Variants in CDH12 observed in about 807,000 individuals in gnomAD.
CDH12 encodes the protein cadherin 12, also known as cadherin-12.
CDH12 carries 41 observed loss-of-function variants against 74.1 expected under a neutral mutation model. The ratio of observed to expected loss-of-function variants is 0.55; its 90% CI spans 0.43 to 0.72. CDH12 has a LOEUF of 0.72. Ranked by LOEUF, CDH12 falls within the 30% of genes least tolerant of loss-of-function variation. The pLI, the probability that CDH12 is intolerant of heterozygous loss-of-function variation, is 0.00. For missense variants in CDH12, 945 were observed against 977.2 expected (o/e 0.97, Z 0.44); for synonymous variants, 399 against 355.0 (o/e 1.12, Z -1.39).
intron 5 of CDH12, among the ~76,000 whole-genome samples, chr5:22,053,933 A>G (rs1740564263): frequency 6.6e-6 from 1 of 152,154 alleles, no homozygotes; most frequent in Non-Finnish European, 1.5e-5. Flanking sequence ...TTCAATTATT[A>G]TTGAAAATTA....
At chr5:22,511,315 A>G (rs958008333) in intron 1 of CDH12, among the ~76,000 whole-genome samples, 8 of 152,232 alleles carry the variant, frequency 5.3e-5, no homozygotes, top group African/African-American at 1.9e-4. Context: ...AAGAAAAGCT[A>G]TGTCATTGAC....
intron 3 of CDH12, among the ~76,000 whole-genome samples, chr5:22,228,943 T>C (rs997386785): frequency 1.3e-5 from 2 of 152,158 alleles, no homozygotes; most frequent in Non-Finnish European, 2.9e-5. Flanking sequence ...TTAATAAACC[T>C]GCTCTTACAT....
intron 5 of CDH12, among the ~76,000 whole-genome samples, chr5:22,015,745 C>T (rs907774340): frequency 7.2e-5 from 11 of 151,954 alleles, no homozygotes; most frequent in Non-Finnish European, 1.5e-4. Flanking sequence ...AGTGAAGTAC[C>T]GTGACAGATA....
chr5:22,050,786 A>G lies in CDH12; in HGVS notation c.231+27660T>C, dbSNP rs1740302858. The stretch of plus-strand genomic sequence containing the variant: ...TGGAGAGTTTCTGAAAAAGCTGACA[A>G]TTTGGAGCCTATGATTCCCTGGTGA... On this transcript the variant is annotated intron_variant, in intron 5 of 14. Transcript: ENST00000382254. 2.0e-5 allele frequency among the ~76,000 whole-genome samples: 3 copies of G among 152,160 alleles called. No individual in the cohort carries two copies. In the South Asian group the frequency reaches 6.2e-4, roughly 31 times the overall value.
At chr5:21,788,721 T>C (rs541370711) in intron 10 of CDH12, among the ~76,000 whole-genome samples, 13 of 152,254 alleles carry the variant, frequency 8.5e-5, no homozygotes, top group African/African-American at 3.1e-4. Flanking sequence ...TCACTTTCTC[T>C]CTTCTCATGA....
chr5:21,971,703 C>T (rs1756861629), intron 6 of CDH12, among the ~76,000 whole-genome samples: 1 of 152,104 alleles, frequency 6.6e-6, no homozygotes, highest in Non-Finnish European at 1.5e-5. Context: ...AGGGTACATT[C>T]CTATAATTTA....
intron 1 of CDH12, among the ~76,000 whole-genome samples, chr5:22,536,043 G>A (rs761187989): frequency 1.3e-5 from 2 of 152,166 alleles, no homozygotes; most frequent in Middle Eastern, 3.2e-3. Flanking sequence ...GGATGTGTAG[G>A]TTATATGCAA....
chr5:22,410,570 G>A (rs1743131152), intron 2 of CDH12, among the ~76,000 whole-genome samples: 1 of 152,046 alleles, frequency 6.6e-6, no homozygotes. Context: ...TATAAAAATA[G>A]ACCATTTCCC....
chr5:22,592,596 C>A (rs920551725), intron 1 of CDH12, among the ~76,000 whole-genome samples: 1 of 152,058 alleles, frequency 6.6e-6, no homozygotes, highest in Non-Finnish European at 1.5e-5. Context: ...CTTTCTCTAG[C>A]ATGCCTTCCT....
intron 11 of CDH12, among the ~76,000 whole-genome samples, chr5:21,772,748 C>G (rs770747253): frequency 6.6e-6 from 1 of 152,138 alleles, no homozygotes; most frequent in Non-Finnish European, 1.5e-5. Context: ...TGTGAATTCT[C>G]TCTTGCATGT....
chr5:22,087,405 C>T (rs1174237299), intron 4 of CDH12, among the ~76,000 whole-genome samples: 5 of 151,974 alleles, frequency 3.3e-5, no homozygotes, highest in African/African-American at 9.7e-5. Flanking sequence ...TCTGTGGGGC[C>T]GAGGCAAGCA....
intron 1 of CDH12, among the ~76,000 whole-genome samples, chr5:22,757,470 T>C (rs534702424): frequency 2.6e-5 from 4 of 152,320 alleles, no homozygotes; most frequent in South Asian, 2.1e-4. Context: ...TGGTTAGTTA[T>C]ATATAGTATA....
At chr5:22,631,549 C>T (rs1334369131) in intron 1 of CDH12, among the ~76,000 whole-genome samples, 1 of 152,132 alleles carries the variant, frequency 6.6e-6, no homozygotes, top group Non-Finnish European at 1.5e-5. Context: ...AACCCAAATA[C>T]TGCAGGTTCT....
In CDH12 at chr5:22,334,321, G is replaced by A. The variant is rs571377555; in HGVS notation, c.-333+70936C>T. Among the ~76,000 whole-genome samples the A allele has an allele frequency of 2.6e-5, 4 of 151,868 alleles. No homozygotes were observed. The South Asian group carries it at 6.3e-4, about 24-fold the overall frequency. On this transcript the variant is annotated intron_variant, in intron 3 of 14. Transcript: ENST00000382254. Reference sequence around the variant, plus strand: ...ATCAAAGAAGTGGAATATCTCTAGAGTGAAAAGTATACAATACTGATGAAA... The same window carrying A: ...ATCAAAGAAGTGGAATATCTCTAGAATGAAAAGTATACAATACTGATGAAA...
chr5:22,314,700 A>G (rs1211065125), intron 3 of CDH12, among the ~76,000 whole-genome samples: 1 of 152,172 alleles, frequency 6.6e-6, no homozygotes, highest in Non-Finnish European at 1.5e-5. Context: ...GCTGGGAAGA[A>G]GAACCAACGT....
intron 1 of CDH12, among the ~76,000 whole-genome samples, chr5:22,849,262 A>C (rs1737443937): frequency 6.6e-6 from 1 of 152,154 alleles, no homozygotes; most frequent in African/African-American, 2.4e-5. Context: ...TTGCTCATGT[A>C]ATAATCCTTA....
intron 6 of CDH12, among the ~76,000 whole-genome samples, chr5:21,878,945 A>G (rs1399875920): frequency 2.1e-5 from 3 of 140,508 alleles, no homozygotes; most frequent in South Asian, 2.3e-4. Flanking sequence ...AAGAAAGGAA[A>G]GAAAGAGAGG....
intron 1 of CDH12, among the ~76,000 whole-genome samples, chr5:22,775,713 T>G (rs1214806303): frequency 6.6e-6 from 1 of 152,118 alleles, no homozygotes; most frequent in African/African-American, 2.4e-5. Flanking sequence ...ATATTTTACA[T>G]GTACTATGAA....
At chr5:22,301,255 C>A (rs542316258) in intron 3 of CDH12, among the ~76,000 whole-genome samples, 6 of 152,042 alleles carry the variant, frequency 3.9e-5, no homozygotes, top group African/African-American at 1.2e-4. Context: ...TCCCAAGACA[C>A]TTTCTACCAA....
Sources: allele counts gnomAD v4.1 joint callset (sites outside exome capture counted in the v4.1 genomes callset), GRCh38; gene constraint gnomAD v4.1.1; transcripts MANE v1.5; gene names NCBI Gene and HGNC (gene_info 2026-07-23, HGNC 2026-07-21).